The following PHACTR3 variants were observed in gnomAD, a reference collection of about 807,000 sequenced individuals.
The protein encoded by PHACTR3 is phosphatase and actin regulator 3, also known as protein phosphatase 1, regulatory subunit 123.
Under a neutral mutation model 66.8 loss-of-function variants are expected in PHACTR3, and 16 were observed. The observed-to-expected ratio is 0.24, with a 90% CI of 0.16 to 0.36. The LOEUF is 0.36. Among genes scored for constraint, PHACTR3 ranks in the 10% least tolerant of loss-of-function variants. The pLI is 1.00. For synonymous variants in PHACTR3, 323 were observed against 292.1 expected (o/e 1.11, Z -1.08); for missense variants, 647 against 719.9 (o/e 0.90, Z 1.16).
chr20:59,693,438 A>G (rs1302377616), intron 1 of PHACTR3, among the ~76,000 whole-genome samples: 1 of 152,168 alleles, frequency 6.6e-6, no homozygotes, highest in Non-Finnish European at 1.5e-5. Context: ...GTGATGTTTG[A>G]CTTCACATCT....
At chr20:59,722,197 A>T (rs1396119491) in intron 1 of PHACTR3, among the ~76,000 whole-genome samples, 1 of 151,792 alleles carries the variant, frequency 6.6e-6, no homozygotes, top group South Asian at 2.1e-4. Flanking sequence ...ATGCCACTGC[A>T]CTCCAGCCTG....
chr20:59,646,863 T>C (rs2035297282), intron 1 of PHACTR3, among the ~76,000 whole-genome samples: 1 of 152,192 alleles, frequency 6.6e-6, no homozygotes, highest in South Asian at 2.1e-4. Flanking sequence ...TATGAGTGAC[T>C]CTGAAAGGGT....
At chr20:59,674,227 G>A (rs1032725568) in intron 1 of PHACTR3, among the ~76,000 whole-genome samples, 2 of 148,358 alleles carry the variant, frequency 1.3e-5, no homozygotes, top group Non-Finnish European at 2.9e-5. Context: ...TGGCTGCTGC[G>A]TTTAGAGACC....
intron 5 of PHACTR3, 51 bp from the exon 6 acceptor site, chr20:59,773,228 G>A (rs771421910): frequency 6.4e-7 from 1 of 1,569,254 alleles, no homozygotes; most frequent in Non-Finnish European, 8.7e-7. Flanking sequence ...CAAAACCCTT[G>A]GTCCCAGCTC....
chr20:59,644,058 G>A (rs529499427), intron 1 of PHACTR3, among the ~76,000 whole-genome samples: 7 of 152,242 alleles, frequency 4.6e-5, no homozygotes, highest in South Asian at 2.1e-4. Context: ...TGCATCCGTC[G>A]GACTTGCCAA....
intron 1 of PHACTR3, among the ~76,000 whole-genome samples, chr20:59,672,330 C>G (rs1271762219): frequency 6.6e-6 from 1 of 152,260 alleles, no homozygotes; most frequent in African/African-American, 2.4e-5. Context: ...TTCCTGCCTC[C>G]TCGAACCTCA....
chr20:59,724,993 G>T (rs1434037861), intron 1 of PHACTR3, among the ~76,000 whole-genome samples: 1 of 151,386 alleles, frequency 6.6e-6, no homozygotes, highest in African/African-American at 2.4e-5. Flanking sequence ...AGCCCAGGTG[G>T]GTTTGAGCTC....
chr20:59,782,601 C>T (rs1431526811), intron 7 of PHACTR3, among the ~76,000 whole-genome samples: 4 of 152,150 alleles, frequency 2.6e-5, no homozygotes. Flanking sequence ...GGGGAGGCCT[C>T]ACAATCATGG....
rs371681686 is a variant in PHACTR3, at chr20:59,743,133, C to A, written c.145C>A (p.Arg49Ser). Reference protein sequence around the residue: ...PDEMDQTPPARPEYLVSGIRT... With the variant: ...PDEMDQTPPASPEYLVSGIRT... ...TGAGATGGACCAAACGCCCCCGGCGCGTCCTGAATATCTGGTCTCAGGGAT... is the reference window on the plus strand; with the variant it reads ...TGAGATGGACCAAACGCCCCCGGCGAGTCCTGAATATCTGGTCTCAGGGAT... Residue 49 changes from arginine to serine, a missense_variant, in exon 2 of 13, where the codon CGT (arginine) becomes AGT (serine). Arg to Ser is a moderately radical substitution (Grantham distance 110, BLOSUM62 -1). Around this residue, in one of 2 missense-constraint regions of PHACTR3, gnomAD observed 577 missense variants for 571.1 expected, o/e 1.01. Transcript: ENST00000371015. 82 of 1,613,950 alleles carry A rather than the reference C, an allele frequency of 5.1e-5. No individual in the cohort carries two copies. The highest frequency in any genetic ancestry group is 6.7e-5 in the Non-Finnish European group (79 of 1,179,916).
chr20:59,723,706 C>G (rs183927589), intron 1 of PHACTR3, among the ~76,000 whole-genome samples: 44 of 151,976 alleles, frequency 2.9e-4, no homozygotes, highest in Admixed American at 1.9e-3. Context: ...TTGGGGTCTA[C>G]TGAGGAGTCG....
intron 1 of PHACTR3, among the ~76,000 whole-genome samples, chr20:59,657,947 T>C (rs1043157842): frequency 2.0e-5 from 3 of 152,188 alleles, no homozygotes; most frequent in African/African-American, 7.2e-5. Flanking sequence ...ATACATATGT[T>C]GGTCCACTTA....
chr20:59,810,855 A>T (rs1463184327), intron 8 of PHACTR3, among the ~76,000 whole-genome samples: 1 of 152,176 alleles, frequency 6.6e-6, no homozygotes, highest in Non-Finnish European at 1.5e-5. Context: ...TCAGCAGAGT[A>T]TGAGAGGCCC....
chr20:59,821,121 C>G (rs1298523142), intron 8 of PHACTR3, among the ~76,000 whole-genome samples: 1 of 152,144 alleles, frequency 6.6e-6, no homozygotes, highest in Non-Finnish European at 1.5e-5. Flanking sequence ...GACGTAAATG[C>G]TATTATTGGA....
chr20:59,728,959 A>G (rs2038665613), intron 1 of PHACTR3, among the ~76,000 whole-genome samples: 1 of 152,100 alleles, frequency 6.6e-6, no homozygotes, highest in Admixed American at 6.5e-5. Context: ...AAGTGATAAG[A>G]AGGAGGCAGC....
chr20:59,621,710 G>T (rs554195017), intron 1 of PHACTR3, among the ~76,000 whole-genome samples: 1 of 152,342 alleles, frequency 6.6e-6, no homozygotes, highest in South Asian at 2.1e-4. Context: ...GGGAGCACAG[G>T]CCACTGGCCC....
At chr20:59,725,932 G>A (rs754900939) in intron 1 of PHACTR3, among the ~76,000 whole-genome samples, 2 of 152,152 alleles carry the variant, frequency 1.3e-5, no homozygotes, top group Non-Finnish European at 2.9e-5. Context: ...GGAGGGGTGG[G>A]CAGAGCACTG....
intron 5 of PHACTR3, 68 bp from the exon 6 acceptor site, chr20:59,773,210 AG>A: frequency 6.6e-7 from 1 of 1,526,434 alleles, no homozygotes; most frequent in Non-Finnish European, 8.9e-7. Context: ...CATGGTCCCC[AG>A]TCTCAGCAAA....
At chr20:59,751,947 C>T (rs1441832223) in intron 3 of PHACTR3, among the ~76,000 whole-genome samples, 2 of 152,174 alleles carry the variant, frequency 1.3e-5, no homozygotes, top group Non-Finnish European at 2.9e-5. Context: ...CTGTGCTAGA[C>T]ACTGTTTATG....
At chr20:59,746,372 G>A (rs954259776) in intron 2 of PHACTR3, among the ~76,000 whole-genome samples, 4 of 152,198 alleles carry the variant, frequency 2.6e-5, no homozygotes, top group Non-Finnish European at 5.9e-5. Flanking sequence ...CTGGCATCAG[G>A]CAGAGGCTGT....
Sources: allele counts gnomAD v4.1 joint callset (sites outside exome capture counted in the v4.1 genomes callset), GRCh38; gene constraint gnomAD v4.1.1; regional missense constraint gnomAD v4.1.1; transcripts MANE v1.5; gene names NCBI Gene and HGNC (gene_info 2026-07-23, HGNC 2026-07-21).